Variants in NBPF11 observed in about 807,000 individuals in gnomAD.
The protein encoded by NBPF11 is NBPF member 11.
A neutral mutation model predicts 93.9 loss-of-function variants in NBPF11; 72 were observed. The observed-to-expected ratio is 0.77, with a 90% CI of 0.63 to 0.93. NBPF11 has a LOEUF of 0.93. Among genes scored for constraint, NBPF11 ranks in the 40% least tolerant of loss-of-function variants. The pLI, the probability that NBPF11 is intolerant of heterozygous loss-of-function variation, is 0.00. For synonymous variants in NBPF11, 224 were observed against 304.9 expected (o/e 0.73, Z 2.76); for missense variants, 705 against 802.2 (o/e 0.88, Z 1.46).
intron 10 of NBPF11, among the ~76,000 whole-genome samples, chr1:148,120,215 C>A (rs1450671777): frequency 6.8e-6 from 1 of 147,530 alleles, no homozygotes; most frequent in African/African-American, 2.5e-5. Flanking sequence ...CTTGAAAACA[C>A]GATTGAGCCT....
rs1209747570 is a variant in NBPF11 at position 148,146,671 on chromosome 1, A to C, written c.-548-2985T>G. ...CACCATCGAGGTCTTCCCCACCAAG[A>C]GCGCCCGCGGCAACCGTGTCTCCTG... On this transcript the variant is annotated intron_variant, in intron 1 of 23. Coordinates refer to ENST00000682118, the MANE Select transcript of NBPF11 (RefSeq NM_001385469.3). 7 of 1,611,536 alleles carry C rather than the reference A, an allele frequency of 4.3e-6. 1 individual carries two copies. The African/African-American group carries it at 8.0e-5, about 18-fold the overall frequency.
chr1:148,121,104 G>T lies in NBPF11; in HGVS notation c.779-394C>A, dbSNP rs1323526368. Among the ~76,000 whole-genome samples the T allele has an allele frequency of 9.2e-5, 14 of 151,752 alleles. No homozygotes were observed. The East Asian group carries it at 2.7e-3, about 29-fold the overall frequency. On this transcript the variant is annotated intron_variant, in intron 9 of 23. Coordinates refer to ENST00000682118, the MANE Select transcript of NBPF11 (RefSeq NM_001385469.3). Reference sequence around the variant, plus strand: ...CTGTCGCGCAGGCTGCAGTGCAGAGGCACAATCTCAGCTCACTGCCACCTC... The same window carrying T: ...CTGTCGCGCAGGCTGCAGTGCAGAGTCACAATCTCAGCTCACTGCCACCTC...
intron 9 of NBPF11, 109 bp from the exon 10 acceptor site, chr1:148,120,819 T>G: frequency 2.3e-6 from 2 of 883,916 alleles, no homozygotes; most frequent in Non-Finnish European, 3.8e-6. Context: ...TATTTGAAGA[T>G]GTTGTTTCCC....
chr1:148,122,801 T>C lies in NBPF11; in HGVS notation c.494A>G (p.Glu165Gly). The C allele has an allele frequency of 6.2e-7, 1 of 1,609,912 alleles. No individual in the cohort carries two copies. Among genetic ancestry groups the C allele is most frequent in the Non-Finnish European group, 8.5e-7 (1 of 1,177,890 alleles). Residue 165 changes from glutamate to glycine, a missense_variant and splice_region_variant, in exon 8 of 24, where the codon GAA becomes GGA. Coordinates refer to ENST00000682118, the MANE Select transcript of NBPF11 (RefSeq NM_001385469.3). The stretch of plus-strand genomic sequence containing the variant: ...ATCTTCATCCTCATCTTCGTCATTT[T>C]CTATAAATACAAAATGTTCGTTCAG... ...AQHLVQKLSP[E>G]NDEDEDEDVQ...
chr1:148,113,243 C>G (rs1305746153), intron 15 of NBPF11, among the ~76,000 whole-genome samples: 1 of 151,884 alleles, frequency 6.6e-6, no homozygotes, highest in African/African-American at 2.4e-5. Context: ...TGCAGAGACA[C>G]ACATAGGCTC....
At chr1:148,141,380 T>C (rs1447734875) in intron 2 of NBPF11, among the ~76,000 whole-genome samples, 2 of 151,978 alleles carry the variant, frequency 1.3e-5, no homozygotes, top group Non-Finnish European at 2.9e-5. Context: ...ATAGGGGAAA[T>C]TGTGTGCTGG....
At position 148,149,123 on chromosome 1, in the gene NBPF11, G is replaced by C. The variant is rs1251053014; in HGVS notation, c.-549+2627C>G. 2.1e-5 allele frequency: 33 copies of C among 1,573,368 alleles called. No individual in the cohort carries two copies. The East Asian group carries it at 5.2e-4, about 25-fold the overall frequency. On this transcript the variant is annotated intron_variant, in intron 1 of 23. Coordinates refer to ENST00000682118, the MANE Select transcript of NBPF11 (RefSeq NM_001385469.3). Reference sequence around the variant, plus strand: ...CCGCTGGTGGGAAGGGTGCGCGCGCGTTGGAGGCCGCGGCTGACCCTGCTC... The same window carrying C: ...CCGCTGGTGGGAAGGGTGCGCGCGCCTTGGAGGCCGCGGCTGACCCTGCTC...
At chr1:148,142,168 G>A (rs1202634515) in intron 2 of NBPF11, among the ~76,000 whole-genome samples, 3 of 151,420 alleles carry the variant, frequency 2.0e-5, no homozygotes, top group South Asian at 2.1e-4. Context: ...GAGAGAAGTA[G>A]GGAAGAAAGG....
intron 16 of NBPF11, among the ~76,000 whole-genome samples, chr1:148,109,925 G>A (rs1366428452): frequency 7.0e-6 from 1 of 141,852 alleles, no homozygotes; most frequent in Middle Eastern, 3.5e-3. Context: ...TGAAACCTGG[G>A]TCACATCTTT....
intron 9 of NBPF11, among the ~76,000 whole-genome samples, chr1:148,121,084 G>A (rs1156290452): frequency 0.024 from 3,576 of 151,250 alleles, 63 homozygotes; most frequent in Middle Eastern, 0.048. Flanking sequence ...TCACTCTGTC[G>A]CGCAGGCTGC....
intron 2 of NBPF11, among the ~76,000 whole-genome samples, chr1:148,141,303 T>C (rs1307604669): frequency 6.6e-6 from 1 of 152,010 alleles, no homozygotes; most frequent in East Asian, 1.9e-4. Context: ...TGGACTTTAG[T>C]TGATAATGAT....
chr1:148,122,619 G>A (rs1370681068), intron 8 of NBPF11, 110 bp downstream of exon 8: 13 of 1,481,710 alleles, frequency 8.8e-6, no homozygotes, highest in Non-Finnish European at 1.1e-5. Context: ...CACATACTGT[G>A]GCCAAGGGAA....
At chr1:148,132,100 T>C (rs1229888113) in intron 4 of NBPF11, among the ~76,000 whole-genome samples, 9 of 147,308 alleles carry the variant, frequency 6.1e-5, no homozygotes, top group Admixed American at 6.7e-5. Context: ...TGTTTCATTG[T>C]GCTGTTTATC....
chr1:148,105,733 C>T (rs1663408239), intron 21 of NBPF11, among the ~76,000 whole-genome samples: 1 of 99,658 alleles, frequency 1.0e-5, no homozygotes, highest in Admixed American at 9.9e-5. Flanking sequence ...CACACACACA[C>T]ACACACACAC....
chr1:148,139,183 A>T lies in NBPF11; in HGVS notation c.-276-1374T>A, dbSNP rs1165841174. On this transcript the variant is annotated intron_variant, in intron 2 of 23. Transcript: ENST00000682118. Reference sequence around the variant, plus strand: ...TGTATCATCTCAATTTTAATAGGAGATTTTAAAAAATTCCTTTTCTTGTGC... The same window carrying T: ...TGTATCATCTCAATTTTAATAGGAGTTTTTAAAAAATTCCTTTTCTTGTGC... 4.6e-5 allele frequency among the ~76,000 whole-genome samples: 7 copies of T among 151,594 alleles called. No homozygotes were observed. The East Asian group carries it at 1.4e-3, about 29-fold the overall frequency.
chr1:148,121,926 G>C, intron 9 of NBPF11, 129 bp downstream of exon 9: 1 of 820,832 alleles, frequency 1.2e-6, no homozygotes, highest in Non-Finnish European at 2.1e-6. Flanking sequence ...ATATGTGTGA[G>C]TCACAGCACC....
intron 1 of NBPF11, chr1:148,146,386 G>C: frequency 6.3e-7 from 1 of 1,581,144 alleles, no homozygotes; most frequent in Non-Finnish European, 8.5e-7. Context: ...GGCCCGGGCG[G>C]CGCCCGCCAT....
At chr1:148,146,275 G>C in intron 1 of NBPF11, 1 of 1,261,328 alleles carries the variant, frequency 7.9e-7, no homozygotes, top group Non-Finnish European at 1.0e-6. Context: ...GGCGGTAGCT[G>C]GGGGGGCGCT....
At chr1:148,122,910 C>G (rs1343885374) in intron 7 of NBPF11, 109 bp from the exon 8 acceptor site, 24 of 1,589,486 alleles carry the variant, frequency 1.5e-5, no homozygotes, top group Non-Finnish European at 2.1e-5. Context: ...CAGCATTGTA[C>G]TGAAAACTCT....
Sources: gnomAD v4.1 joint callset for allele counts (sites outside exome capture counted in the v4.1 genomes callset) on GRCh38, gnomAD v4.1.1 for gene constraint, MANE v1.5 for transcripts, NCBI Gene and HGNC (gene_info 2026-07-23, HGNC 2026-07-21) for gene names.